ZSCAN5A: variants seen among roughly 807,000 people sequenced by gnomAD.
The protein encoded by ZSCAN5A is zinc finger and SCAN domain containing 5A.
In ZSCAN5A, 12 loss-of-function variants were observed where a neutral mutation model predicts 23.7. The ratio of observed to expected loss-of-function variants is 0.51; its 90% confidence interval spans 0.32 to 0.82. ZSCAN5A has a LOEUF of 0.82. Ranked by LOEUF, ZSCAN5A falls within the 40% of genes least tolerant of loss-of-function variation. The pLI is 0.03. For synonymous variants in ZSCAN5A, 257 were observed against 239.9 expected, an observed-to-expected ratio of 1.07 and a Z score of -0.66; for missense variants, 597 against 617.9, an observed-to-expected ratio of 0.97 and a Z score of 0.36.
intron 2 of ZSCAN5A, among the ~76,000 whole-genome samples, chr19:56,231,763 C>T (rs1282268210): frequency 1.3e-5 from 2 of 152,302 alleles, no homozygotes; most frequent in East Asian, 1.9e-4. Flanking sequence ...TGCAGCAGCT[C>T]CTCTAGCTGG....
At chr19:56,270,964 T>TCCCCAGATCC (rs1555800990) in intron 2 of ZSCAN5A, among the ~76,000 whole-genome samples, 49 of 152,294 alleles carry the variant, frequency 3.2e-4, no homozygotes, top group African/African-American at 8.9e-4. Context: ...CTCATCTCTG[T>TCCCCAGATCC]CCCCAGATCA....
chr19:56,236,990 G>A (rs976309200), intron 2 of ZSCAN5A, among the ~76,000 whole-genome samples: 10 of 152,218 alleles, frequency 6.6e-5, no homozygotes, highest in African/African-American at 1.4e-4. Context: ...CTGACTGGTC[G>A]CAGGTCAGTC....
chr19:56,256,195 TTTTG>T lies in ZSCAN5A; in HGVS notation c.-127-31026_-127-31023del, dbSNP rs539788968. Reference sequence around the variant, plus strand: ...AGAGAGGATTTTAAATTTTTTGTTGTTTTGTTTGTTTGTTTGAGACAGGGTCTTA... The same window carrying T: ...AGAGAGGATTTTAAATTTTTTGTTGTTTTGTTTGTTTGAGACAGGGTCTTA... On this transcript the variant is annotated intron_variant, in intron 2 of 5. Coordinates refer to ENST00000683990, the MANE Select transcript of ZSCAN5A (RefSeq NM_001322064.3). Among the ~76,000 whole-genome samples the T allele has an allele frequency of 2.2e-3, 333 of 152,198 alleles. 3 individuals carry two copies. The highest frequency in any genetic ancestry group is 7.4e-3 in the African/African-American group (306 of 41,520).
At chr19:56,285,312 T>C (rs1033165372) in intron 2 of ZSCAN5A, among the ~76,000 whole-genome samples, 1 of 152,220 alleles carries the variant, frequency 6.6e-6, no homozygotes, top group South Asian at 2.1e-4. Flanking sequence ...GTCAAAATCA[T>C]TCTCTTCACC....
chr19:56,329,317 C>A (rs2041468416), intron 2 of ZSCAN5A, among the ~76,000 whole-genome samples: 1 of 151,930 alleles, frequency 6.6e-6, no homozygotes, highest in Non-Finnish European at 1.5e-5. Flanking sequence ...TCACTGTACT[C>A]CAGCCTGGGT....
At position 56,351,765 on chromosome 19, in the gene ZSCAN5A, C is replaced by T. The variant is rs1298327724; in HGVS notation, c.-358+11470G>A. On this transcript the variant is annotated intron_variant, in intron 2 of 6. Transcript: ENST00000587340. This position sits in a 1 kb window ranked among gnomAD's most constrained non-coding sequence, Gnocchi z 4.8. ...GTCCCAATGTCTCCATCCTTTGCAT[C>T]TTAACCTGTCGCAGAACAAGAAAAG... Among the ~76,000 whole-genome samples the T allele has an allele frequency of 6.6e-6, 1 of 152,180 alleles. No homozygotes were observed. Among genetic ancestry groups the T allele is most frequent in the Non-Finnish European group, 1.5e-5 (1 of 68,034 alleles).
intron 2 of ZSCAN5A, among the ~76,000 whole-genome samples, chr19:56,292,221 T>A (rs16987170): frequency 6.6e-6 from 1 of 152,120 alleles, no homozygotes; most frequent in African/African-American, 2.4e-5. Context: ...GTGGGTAACA[T>A]ACATCTTTTA....
At chr19:56,362,232 G>A (rs1345163235) in intron 2 of ZSCAN5A, among the ~76,000 whole-genome samples, 3 of 151,848 alleles carry the variant, frequency 2.0e-5, no homozygotes, top group Non-Finnish European at 4.4e-5. Context: ...TTGTACCCAT[G>A]TGAATTTTTA....
chr19:56,286,340 T>C (rs970670503), intron 2 of ZSCAN5A: 2 of 152,156 alleles, frequency 1.3e-5, no homozygotes, highest in Non-Finnish European at 2.9e-5. Context: ...TTTTTGATAA[T>C]GTGGTGGCCA....
At chr19:56,244,474 G>A (rs758137184) in intron 2 of ZSCAN5A, 3 of 1,539,134 alleles carry the variant, frequency 1.9e-6, no homozygotes, top group South Asian at 2.6e-5. Context: ...GCTGGGATGG[G>A]GGCTGCACGG....
intron 2 of ZSCAN5A, among the ~76,000 whole-genome samples, chr19:56,251,105 G>C (rs1011090489): frequency 1.3e-5 from 2 of 150,516 alleles, no homozygotes; most frequent in Non-Finnish European, 2.9e-5. Context: ...AGCCAAGATC[G>C]TGCCACTGCA....
chr19:56,308,660 A>AT (rs1043985466), intron 2 of ZSCAN5A, among the ~76,000 whole-genome samples: 7 of 145,110 alleles, frequency 4.8e-5, no homozygotes, highest in Admixed American at 2.1e-4. Flanking sequence ...AAAACATCAC[A>AT]TTTTTTTTCC....
chr19:56,240,119 G>C (rs527877789), intron 2 of ZSCAN5A, among the ~76,000 whole-genome samples: 3 of 151,460 alleles, frequency 2.0e-5, no homozygotes, highest in African/African-American at 7.3e-5. Flanking sequence ...CCGAGATCAC[G>C]CCACTGAACT....
chr19:56,279,853 T>C (rs2038550809), intron 2 of ZSCAN5A, among the ~76,000 whole-genome samples: 2 of 152,176 alleles, frequency 1.3e-5, no homozygotes, highest in African/African-American at 4.8e-5. Flanking sequence ...TAAAATGTTT[T>C]ATGTTAAATT....
intron 2 of ZSCAN5A, among the ~76,000 whole-genome samples, chr19:56,260,620 T>C (rs1351464493): frequency 4.6e-5 from 7 of 152,104 alleles, no homozygotes. Context: ...AGGACAAAAA[T>C]CTGCAATTTT....
At chr19:56,287,987 A>C (rs1340916082) in intron 2 of ZSCAN5A, among the ~76,000 whole-genome samples, 1 of 152,196 alleles carries the variant, frequency 6.6e-6, no homozygotes, top group Non-Finnish European at 1.5e-5. Flanking sequence ...GCAGACCAGG[A>C]GCGTGGGTCT....
intron 2 of ZSCAN5A, among the ~76,000 whole-genome samples, chr19:56,310,798 G>C (rs1336716196): frequency 1.3e-5 from 2 of 152,214 alleles, no homozygotes; most frequent in East Asian, 1.9e-4. Flanking sequence ...TCCTTGTCCT[G>C]GTTGAAAGCT....
intron 2 of ZSCAN5A, among the ~76,000 whole-genome samples, chr19:56,245,023 C>T (rs1180272133): frequency 6.6e-6 from 1 of 152,182 alleles, no homozygotes; most frequent in Non-Finnish European, 1.5e-5. Flanking sequence ...ACCCTTTCAT[C>T]TAAAGGACTC....
intron 2 of ZSCAN5A, among the ~76,000 whole-genome samples, chr19:56,293,805 C>T (rs148288874): frequency 2.0e-5 from 3 of 152,162 alleles, no homozygotes; most frequent in East Asian, 1.9e-4. Context: ...GGGGGAGTCT[C>T]GAGATGTTGC....
Sources: allele counts gnomAD v4.1 joint callset (sites outside exome capture counted in the v4.1 genomes callset), GRCh38; gene constraint gnomAD v4.1.1; non-coding constraint Gnocchi (gnomAD v3.1); transcripts MANE v1.5; gene names NCBI Gene and HGNC (gene_info 2026-07-23, HGNC 2026-07-21).